The following MSI2 variants were observed in gnomAD, a reference collection of about 807,000 sequenced individuals.
MSI2 encodes the protein musashi RNA binding protein 2.
MSI2 carries 17 observed loss-of-function variants against 45.6 expected under a neutral mutation model. That is an observed-to-expected ratio of 0.37 (90% CI 0.26 to 0.56). The LOEUF (loss-of-function observed/expected upper bound fraction) is 0.56, where lower values mean the gene tolerates loss of function less well. Among genes scored for constraint, MSI2 ranks in the 20% least tolerant of loss-of-function variants. The pLI is 0.77. For missense variants in MSI2, 293 were observed against 444.2 expected (o/e 0.66, Z 3.06); for synonymous variants, 156 against 158.2 (o/e 0.99, Z 0.11).
At chr17:57,423,446 A>C (rs2084432977) in intron 6 of MSI2, among the ~76,000 whole-genome samples, 1 of 152,170 alleles carries the variant, frequency 6.6e-6, no homozygotes, top group South Asian at 2.1e-4. Flanking sequence ...GGCTTTGTAG[A>C]CATTGGATGA....
chr17:57,569,620 G>C (rs1255404014), intron 7 of MSI2, among the ~76,000 whole-genome samples: 1 of 152,244 alleles, frequency 6.6e-6, no homozygotes, highest in East Asian at 1.9e-4. Flanking sequence ...GCAAGAGGAA[G>C]ATGAAGAATC....
chr17:57,383,946 G>A (rs1292355929), intron 5 of MSI2, among the ~76,000 whole-genome samples: 2 of 152,206 alleles, frequency 1.3e-5, no homozygotes, highest in South Asian at 2.1e-4. Context: ...TGATAGCTGC[G>A]TGTAGACTGC....
At chr17:57,471,488 C>T (rs2085436797) in intron 6 of MSI2, among the ~76,000 whole-genome samples, 1 of 151,862 alleles carries the variant, frequency 6.6e-6, no homozygotes, top group Non-Finnish European at 1.5e-5. Context: ...ATGGGGCTGG[C>T]CAGGCTGGTC....
chr17:57,377,426 C>T (rs905332841), intron 5 of MSI2, among the ~76,000 whole-genome samples: 3 of 152,150 alleles, frequency 2.0e-5, no homozygotes, highest in African/African-American at 7.2e-5. Flanking sequence ...AATTCTGTGT[C>T]GGGGAAAGGA....
chr17:57,621,206 C>T (rs1312388863), intron 9 of MSI2, among the ~76,000 whole-genome samples: 2 of 152,182 alleles, frequency 1.3e-5, no homozygotes, highest in East Asian at 3.8e-4. Context: ...CCATCTCCAC[C>T]GAGCACTATG....
chr17:57,529,621 T>C lies in MSI2; in HGVS notation c.406-55T>C. 6.5e-7 allele frequency: 1 copy of C among 1,537,294 alleles called. No homozygotes were observed. The highest frequency in any genetic ancestry group is 9.0e-7 in the Non-Finnish European group (1 of 1,111,282). Reference sequence around the variant, plus strand: ...CACCCCCCGACATGCATATAATGTTTTGTGTACTTTCTTAAAATTCCTAAG... The same window carrying C: ...CACCCCCCGACATGCATATAATGTTCTGTGTACTTTCTTAAAATTCCTAAG... On this transcript the variant is annotated intron_variant, in intron 6 of 13. Coordinates refer to ENST00000284073, the MANE Select transcript of MSI2 (RefSeq NM_138962.4). This position sits in a 1 kb window ranked among gnomAD's most constrained non-coding sequence, Gnocchi z 5.3.
intron 5 of MSI2, among the ~76,000 whole-genome samples, chr17:57,389,749 A>T (rs2083753348): frequency 6.6e-6 from 1 of 152,144 alleles, no homozygotes; most frequent in Non-Finnish European, 1.5e-5. Flanking sequence ...AACACCTACT[A>T]CGTGCCAGGT....
chr17:57,545,498 C>G (rs1431367151), intron 7 of MSI2, among the ~76,000 whole-genome samples: 1 of 152,166 alleles, frequency 6.6e-6, no homozygotes, highest in East Asian at 1.9e-4. Context: ...GTTGCAGCAG[C>G]TATGGCAGCC....
chr17:57,471,203 T>C lies in MSI2; in HGVS notation c.406-58473T>C, dbSNP rs2085429222. On this transcript the variant is annotated intron_variant, in intron 6 of 13. Transcript: ENST00000284073. The stretch of plus-strand genomic sequence containing the variant: ...TGTGCCTTCTGTATTGACCTTTAGC[T>C]CCATCCAAGGTTTCTCGAATCAAGC... 2.0e-5 allele frequency among the ~76,000 whole-genome samples: 3 copies of C among 151,420 alleles called. No homozygotes were observed. The South Asian group carries it at 6.2e-4, about 32-fold the overall frequency.
downstream of MSI2, among the ~76,000 whole-genome samples, chr17:57,686,316 T>TA (rs1316127305): frequency 2.0e-5 from 3 of 149,910 alleles, no homozygotes. Context: ...GGAGAAAAAA[T>TA]AAAAAAATAA....
chr17:57,660,090 T>C (rs1232979382), intron 11 of MSI2, among the ~76,000 whole-genome samples: 5 of 152,256 alleles, frequency 3.3e-5, no homozygotes, highest in Admixed American at 1.3e-4. Flanking sequence ...GGAAGCTCCA[T>C]AGAAGAGTGG....
intron 5 of MSI2, among the ~76,000 whole-genome samples, chr17:57,304,724 A>G (rs1911739011): frequency 1.3e-5 from 2 of 152,134 alleles, no homozygotes; most frequent in Admixed American, 6.5e-5. Context: ...GCACCCAGCC[A>G]GGAGAAGCTA....
At chr17:57,608,390 G>A (rs1432745595) in intron 8 of MSI2, 1 of 152,320 alleles carries the variant, frequency 6.6e-6, no homozygotes, top group Non-Finnish European at 1.5e-5. Context: ...AGGAGTGATG[G>A]TGACATGCCC....
At chr17:57,633,188 CTG>C in intron 10 of MSI2, 1 of 1,014,144 alleles carries the variant, frequency 9.9e-7, no homozygotes, top group Non-Finnish European at 1.2e-6. Context: ...CATGGACATA[CTG>C]TGTGCTGCCG....
At chr17:57,261,742 C>T (rs757218441) in intron 4 of MSI2, among the ~76,000 whole-genome samples, 24 of 152,156 alleles carry the variant, frequency 1.6e-4, no homozygotes, top group Non-Finnish European at 1.2e-4. Flanking sequence ...AGAATACTTA[C>T]ATTTAATTTT....
intron 7 of MSI2, among the ~76,000 whole-genome samples, chr17:57,594,987 A>G (rs1340609944): frequency 2.0e-5 from 3 of 152,208 alleles, no homozygotes; most frequent in Non-Finnish European, 4.4e-5. Context: ...TCGTGGTCCT[A>G]GCCCTCTGTT....
intron 5 of MSI2, among the ~76,000 whole-genome samples, chr17:57,360,133 G>C (rs1916720613): frequency 6.6e-6 from 1 of 152,240 alleles, no homozygotes; most frequent in Non-Finnish European, 1.5e-5. Flanking sequence ...TATTATGATG[G>C]GGGCTTCAGA....
chr17:57,276,249 C>T (rs1483920018), intron 5 of MSI2, among the ~76,000 whole-genome samples: 4 of 152,154 alleles, frequency 2.6e-5, no homozygotes, highest in African/African-American at 7.2e-5. Flanking sequence ...AGTTATGGGC[C>T]GTGTGGAGTT....
intron 6 of MSI2, among the ~76,000 whole-genome samples, chr17:57,471,983 T>G (rs981150498): frequency 1.8e-5 from 1 of 56,778 alleles, no homozygotes; most frequent in African/African-American, 4.6e-5. Context: ...TCCTCTAGAT[T>G]TTGAGGAGCA....
Sources: allele counts gnomAD v4.1 joint callset (sites outside exome capture counted in the v4.1 genomes callset), GRCh38; gene constraint gnomAD v4.1.1; non-coding constraint Gnocchi (gnomAD v3.1); transcripts MANE v1.5; gene names NCBI Gene and HGNC (gene_info 2026-07-23, HGNC 2026-07-21).